Variants in TENM1 observed in about 807,000 individuals in gnomAD.
The protein encoded by TENM1 is teneurin transmembrane protein 1.
TENM1 carries 35 observed loss-of-function variants against 174.8 expected under a neutral mutation model. That is an observed-to-expected ratio of 0.20 (90% confidence interval 0.15 to 0.27). The LOEUF is 0.27. Among genes scored for constraint, TENM1 ranks in the 10% least tolerant of loss-of-function variants. TENM1 has a pLI of 1.00. For missense variants in TENM1, 1,633 were observed against 2,130.1 expected, an observed-to-expected ratio of 0.77 and a Z score of 4.59; for synonymous variants, 781 against 798.7, an observed-to-expected ratio of 0.98 and a Z score of 0.37.
chrX:125,013,040 C>A, the TENM1 span, among the ~76,000 whole-genome samples: 232 of 111,559 alleles, frequency 2.1e-3, no homozygotes, highest in African/African-American at 6.9e-3. Flanking sequence ...ATGGTTTTGC[C>A]ATCAGAAAAA....
chrX:124,927,706 T>C (rs913564842), intron 1 of TENM1, among the ~76,000 whole-genome samples: 1 of 111,312 alleles, frequency 9.0e-6, no homozygotes. Context: ...GGGTGGAGTC[T>C]GGGCAGTGGA....
intron 6 of TENM1, among the ~76,000 whole-genome samples, chrX:124,658,753 C>T (rs1288602721): frequency 8.9e-6 from 1 of 112,044 alleles, no homozygotes; most frequent in Non-Finnish European, 1.9e-5. Flanking sequence ...CACCAAAAGA[C>T]TACAGATACC....
At chrX:125,181,792 G>T in the TENM1 span, among the ~76,000 whole-genome samples, 1 of 110,663 alleles carries the variant, frequency 9.0e-6, no homozygotes, top group African/African-American at 3.3e-5. Flanking sequence ...CTCACAAATC[G>T]CTGTAGTTCT....
At chrX:124,553,950 C>T (rs778277450) in intron 14 of TENM1, among the ~76,000 whole-genome samples, 1 of 110,734 alleles carries the variant, frequency 9.0e-6, no homozygotes, top group South Asian at 3.9e-4. Context: ...ACTAAAAATA[C>T]AAAAATTAGC....
chrX:124,472,657 T>A (rs1321194886), intron 22 of TENM1, among the ~76,000 whole-genome samples: 3 of 111,492 alleles, frequency 2.7e-5, no homozygotes, highest in Non-Finnish European at 5.6e-5. Context: ...TTTTACACTA[T>A]AAAACTACTA....
the TENM1 span, among the ~76,000 whole-genome samples, chrX:125,199,073 T>G: frequency 9.0e-6 from 1 of 111,631 alleles, no homozygotes; most frequent in African/African-American, 3.3e-5. Context: ...CAAGAGTGTT[T>G]AAGATATTTT....
At chrX:124,621,034 C>T (rs746515887) in intron 11 of TENM1, among the ~76,000 whole-genome samples, 2 of 112,134 alleles carry the variant, frequency 1.8e-5, no homozygotes, top group Non-Finnish European at 3.8e-5. Flanking sequence ...CCTTCACCGT[C>T]AGAGACTGGG....
chrX:124,825,051 C>T (rs772465226), intron 3 of TENM1, among the ~76,000 whole-genome samples: 5 of 108,619 alleles, frequency 4.6e-5, no homozygotes, highest in Middle Eastern at 9.4e-3. Context: ...CGTGACGAGA[C>T]ACAGGAAAGT....
intron 1 of TENM1, among the ~76,000 whole-genome samples, chrX:124,922,415 C>T (rs953664019): frequency 9.0e-6 from 1 of 110,819 alleles, no homozygotes; most frequent in Non-Finnish European, 1.9e-5. Flanking sequence ...TTTCGCAGAC[C>T]AGCTTTTGGC....
At chrX:124,504,900 T>C (rs1337711124) in intron 18 of TENM1, among the ~76,000 whole-genome samples, 1 of 112,228 alleles carries the variant, frequency 8.9e-6, no homozygotes, top group Non-Finnish European at 1.9e-5. Context: ...TGTGTGCATG[T>C]GCATGTGCAT....
intron 3 of TENM1, among the ~76,000 whole-genome samples, chrX:124,751,430 T>C (rs2054064415): frequency 8.9e-6 from 1 of 111,748 alleles, no homozygotes; most frequent in African/African-American, 3.3e-5. Context: ...GTAATTCAAC[T>C]AGAAACTCTA....
intron 3 of TENM1, among the ~76,000 whole-genome samples, chrX:124,787,968 C>A (rs1277515685): frequency 9.0e-6 from 1 of 111,400 alleles, no homozygotes; most frequent in Non-Finnish European, 1.9e-5. Flanking sequence ...TGGTGGAAGG[C>A]AAGGAGGAGC....
At chrX:124,827,198 G>T (rs767160025) in intron 3 of TENM1, among the ~76,000 whole-genome samples, 140 of 111,132 alleles carry the variant, frequency 1.3e-3, no homozygotes, top group African/African-American at 4.2e-3. Context: ...TTACAGGAGT[G>T]CACCACTACA....
At chrX:124,504,766 G>A (rs1297138676) in intron 18 of TENM1, among the ~76,000 whole-genome samples, 1 of 111,789 alleles carries the variant, frequency 8.9e-6, no homozygotes, top group East Asian at 2.8e-4. Context: ...AAAACTGGAA[G>A]TGAAAATGCG....
At chrX:124,772,466 G>A (rs2054678920) in intron 3 of TENM1, among the ~76,000 whole-genome samples, 1 of 111,499 alleles carries the variant, frequency 9.0e-6, no homozygotes, top group South Asian at 3.7e-4. Context: ...TCTTTCCATG[G>A]AATATTCCGG....
At chrX:124,408,789 A>T (rs1192494857) in intron 25 of TENM1, among the ~76,000 whole-genome samples, 9 of 101,097 alleles carry the variant, frequency 8.9e-5, no homozygotes, top group Admixed American at 3.2e-4. Context: ...ATTTAACATT[A>T]GGTGTATCTC....
At chrX:124,467,732 A>G (rs964489553) in intron 22 of TENM1, among the ~76,000 whole-genome samples, 4 of 111,933 alleles carry the variant, frequency 3.6e-5, no homozygotes, top group Non-Finnish European at 5.6e-5. Context: ...TACATTTGTA[A>G]GTTGATTTCT....
Position 124,523,701 on chromosome X carries a change from C to T in TENM1, c.2772-76G>A. On this transcript the variant is annotated intron_variant, in intron 16 of 31. Transcript: ENST00000422452. ...TTACAGTTAAAAAATAGGTTAATTT[C>T]AGTGCCCTTTCCTTTTTGGGGGGAC... 6 of 1,038,968 alleles carry T rather than the reference C, an allele frequency of 5.8e-6. No homozygotes were observed. The South Asian group carries it at 1.4e-4, about 24-fold the overall frequency. The allele number at this position is 1,038,968 out of a possible 1,213,427, so 85.6% of individuals were successfully genotyped here.
chrX:124,576,171 T>C (rs1217303835), intron 11 of TENM1, among the ~76,000 whole-genome samples: 2 of 109,968 alleles, frequency 1.8e-5, no homozygotes, highest in Admixed American at 9.6e-5. Flanking sequence ...GTGATTCTCC[T>C]GCCTCAGTCT....
Sources: gnomAD v4.1 joint callset for allele counts (sites outside exome capture counted in the v4.1 genomes callset) on GRCh38, gnomAD v4.1.1 for gene constraint, MANE v1.5 for transcripts, NCBI Gene and HGNC (gene_info 2026-07-23, HGNC 2026-07-21) for gene names.